Variants in DEPDC4 observed in about 807,000 individuals in gnomAD.
DEPDC4 encodes DEP domain containing 4.
Under a neutral mutation model 52.0 loss-of-function variants are expected in DEPDC4, and 52 were observed. That is an observed-to-expected ratio of 1.00 (90% confidence interval 0.80 to 1.26). The LOEUF (loss-of-function observed/expected upper bound fraction) is 1.26. Ranked by LOEUF, DEPDC4 falls within the 50% of genes most tolerant of loss-of-function variation. The pLI is 0.00. For synonymous variants in DEPDC4, 201 were observed against 196.8 expected (o/e 1.02, Z -0.18); for missense variants, 530 against 546.9 (o/e 0.97, Z 0.31).
chr12:100,275,349 G>T, the DEPDC4 span, among the ~76,000 whole-genome samples: 23 of 152,084 alleles, frequency 1.5e-4, no homozygotes, highest in African/African-American at 5.5e-4. Context: ...CTGCAGACAT[G>T]TGCTACTGCT....
downstream of DEPDC4, chr12:100,238,131 A>AT (rs930911727): frequency 1.3e-5 from 11 of 877,738 alleles, no homozygotes; most frequent in African/African-American, 1.5e-4. Flanking sequence ...AAAAAAAAAA[A>AT]ATATGCAGAT....
intron 4 of DEPDC4, among the ~76,000 whole-genome samples, chr12:100,255,193 G>A (rs994536490): frequency 2.0e-5 from 3 of 152,196 alleles, no homozygotes; most frequent in Non-Finnish European, 2.9e-5. Flanking sequence ...AAGGCAGACT[G>A]GCTGCTGTGA....
intron 3 of DEPDC4, among the ~76,000 whole-genome samples, chr12:100,258,440 T>TA (rs1388292171): frequency 6.6e-6 from 1 of 151,574 alleles, no homozygotes; most frequent in Non-Finnish European, 1.5e-5. Flanking sequence ...ACCAATGAAA[T>TA]AAAAAAAACT....
the DEPDC4 span, among the ~76,000 whole-genome samples, chr12:100,275,336 G>A: frequency 6.6e-6 from 1 of 151,840 alleles, no homozygotes; most frequent in Non-Finnish European, 1.5e-5. Context: ...TGAGTAGCTG[G>A]GACTGCAGAC....
At chr12:100,239,476 C>T (rs540645903), downstream of DEPDC4, among the ~76,000 whole-genome samples, 1 of 152,102 alleles carries the variant, frequency 6.6e-6, no homozygotes, top group South Asian at 2.1e-4. Context: ...CCTTGGCTCA[C>T]GTGATCCTCC....
At chr12:100,252,564 A>G in intron 5 of DEPDC4, 28 bp from the exon 6 acceptor site, 1 of 1,560,584 alleles carries the variant, frequency 6.4e-7, no homozygotes, top group Non-Finnish European at 8.6e-7. Flanking sequence ...AAGAAAACAA[A>G]GCATAAGATG....
At chr12:100,236,349 C>A (rs1162907997), downstream of DEPDC4, among the ~76,000 whole-genome samples, 1 of 152,102 alleles carries the variant, frequency 6.6e-6, no homozygotes, top group Non-Finnish European at 1.5e-5. Context: ...TCCATGCCAA[C>A]ATCTATTTTT....
intron 7 of DEPDC4, 128 bp downstream of exon 7, chr12:100,252,048 G>C: frequency 3.5e-6 from 3 of 852,844 alleles, no homozygotes; most frequent in Non-Finnish European, 4.3e-6. Flanking sequence ...GGTGTGGGGA[G>C]TCAGCATTTC....
rs375181753 is a variant in DEPDC4 at position 100,248,980 on chromosome 12, T to C, written c.1375-2A>G. Reference sequence around the variant, plus strand: ...CAGATCCAATAAAGTAACTGGTGTCTACACAAAACAGGTATTTTCAAAATA... The same window carrying C: ...CAGATCCAATAAAGTAACTGGTGTCCACACAAAACAGGTATTTTCAAAATA... On this transcript the variant is annotated splice_acceptor_variant, in intron 7 of 9. Coordinates refer to ENST00000550587, the MANE Select transcript of DEPDC4 (RefSeq NM_001364818.2). LOFTEE classifies it high-confidence loss of function. 7 of 978,668 alleles carry C rather than the reference T, an allele frequency of 7.2e-6. No homozygotes were observed. In the African/African-American group the frequency reaches 1.1e-4, roughly 15 times the overall value. 60.6% of individuals were successfully genotyped at this position (978,668 alleles called of 1,614,324 possible).
the DEPDC4 span, among the ~76,000 whole-genome samples, chr12:100,278,956 T>A: frequency 6.6e-6 from 1 of 152,172 alleles, no homozygotes; most frequent in African/African-American, 2.4e-5. Flanking sequence ...TCTTTGTTCT[T>A]ATATGTAATT....
chr12:100,232,990 T>A lies in DEPDC4; in HGVS notation c.*699+4978A>T, dbSNP rs1429049356. ...AGTGTAACCTGTGACAGGCAATGTA[T>A]GTACATATCATTTAATCCTAACTGC... On this transcript the variant is annotated intron_variant and NMD_transcript_variant, in intron 9 of 10. Coordinates refer to the DEPDC4 transcript ENST00000378244. Among the ~76,000 whole-genome samples the A allele has an allele frequency of 4.3e-4, 65 of 152,262 alleles. 1 individual carries two copies.
chr12:100,248,784 C>T, intron 8 of DEPDC4, 116 bp downstream of exon 8: 1 of 329,402 alleles, frequency 3.0e-6, no homozygotes, highest in Non-Finnish European at 4.3e-6. Flanking sequence ...CTTCCTGTAA[C>T]CACTTTTTAC....
upstream of DEPDC4, among the ~76,000 whole-genome samples, chr12:100,269,345 G>A (rs979241244): frequency 5.3e-5 from 8 of 151,578 alleles, no homozygotes; most frequent in Admixed American, 1.3e-4. Context: ...AGCCAATTAT[G>A]CCTATTCATC....
chr12:100,232,612 G>C (rs189842444), intron 9 of DEPDC4, among the ~76,000 whole-genome samples: 1 of 150,898 alleles, frequency 6.6e-6, no homozygotes, highest in Non-Finnish European at 1.5e-5. Flanking sequence ...GGCTGGGCAC[G>C]GTGGCTCACG....
At chr12:100,269,382 C>A (rs961963446), upstream of DEPDC4, among the ~76,000 whole-genome samples, 2 of 152,126 alleles carry the variant, frequency 1.3e-5, no homozygotes, top group Admixed American at 1.3e-4. Context: ...GGAAGACTTT[C>A]CTGATTAGAA....
intron 9 of DEPDC4, among the ~76,000 whole-genome samples, chr12:100,232,135 T>C (rs1014526020): frequency 6.6e-6 from 1 of 152,218 alleles, no homozygotes; most frequent in Non-Finnish European, 1.5e-5. Flanking sequence ...CTCACGCCTG[T>C]AATCCCAGCA....
chr12:100,258,593 A>G (rs765923513), intron 3 of DEPDC4, among the ~76,000 whole-genome samples: 41 of 152,234 alleles, frequency 2.7e-4, no homozygotes, highest in Non-Finnish European at 7.3e-5. Flanking sequence ...AGTGTCATTA[A>G]TCAGAATGGC....
At chr12:100,277,327 G>A in the DEPDC4 span, among the ~76,000 whole-genome samples, 4 of 152,248 alleles carry the variant, frequency 2.6e-5, no homozygotes, top group African/African-American at 4.8e-5. Flanking sequence ...TCTCTGCTTC[G>A]TCTGTGTCTG....
rs1431441817 is a variant in DEPDC4 at position 100,240,400 on chromosome 12, A to G, written c.*1492T>C. Among the ~76,000 whole-genome samples, 1 of 152,078 alleles carries G rather than the reference A, an allele frequency of 6.6e-6. No individual in the cohort carries two copies. Among genetic ancestry groups the G allele is most frequent in the Non-Finnish European group, 1.5e-5 (1 of 68,018 alleles). ...GGCTGGTCTTGAACTCCTGGACTTA[A>G]AGCAATCCCCTCTCCCTGGCCTCCC... On this transcript the variant is annotated 3_prime_UTR_variant, in exon 10 of 10. Coordinates refer to ENST00000550587, the MANE Select transcript of DEPDC4 (RefSeq NM_001364818.2).
Sources: gnomAD v4.1 joint callset for allele counts (sites outside exome capture counted in the v4.1 genomes callset) on GRCh38, gnomAD v4.1.1 for gene constraint, MANE v1.5 for transcripts, NCBI Gene and HGNC (gene_info 2026-07-23, HGNC 2026-07-21) for gene names.